ADGRG6: variants seen among roughly 807,000 people sequenced by gnomAD.
The protein encoded by ADGRG6 is adhesion G protein-coupled receptor G6, also known as G-protein coupled receptor 126.
ADGRG6 carries 84 observed loss-of-function variants against 142.4 expected under a neutral mutation model. The ratio of observed to expected loss-of-function variants is 0.59; its 90% CI spans 0.49 to 0.71. ADGRG6 has a LOEUF of 0.71. Ranked by LOEUF, ADGRG6 falls within the 30% of genes least tolerant of loss-of-function variation. The probability of loss-of-function intolerance (pLI) is 0.00; values close to 1 mark genes in which losing one functional copy is unlikely to be tolerated. For synonymous variants in ADGRG6, 521 were observed against 520.5 expected (o/e 1.00, Z -0.01); for missense variants, 1,367 against 1,466.6 (o/e 0.93, Z 1.11).
At chr6:142,381,413 C>T (rs1781765279) in intron 4 of ADGRG6, among the ~76,000 whole-genome samples, 2 of 152,022 alleles carry the variant, frequency 1.3e-5, no homozygotes, top group African/African-American at 4.8e-5. Context: ...TCTACTTCTA[C>T]TAAAAAATTA....
At chr6:142,304,843 T>C (rs1232583907) in intron 1 of ADGRG6, among the ~76,000 whole-genome samples, 1 of 152,316 alleles carries the variant, frequency 6.6e-6, no homozygotes, top group East Asian at 1.9e-4. Context: ...TTGGATGATG[T>C]TAAGATGCAT....
At chr6:142,384,422 T>A (rs1781928224) in intron 6 of ADGRG6, among the ~76,000 whole-genome samples, 1 of 152,144 alleles carries the variant, frequency 6.6e-6, no homozygotes, top group South Asian at 2.1e-4. Flanking sequence ...TACTTCTTGC[T>A]TTTTTCTCCA....
At chr6:142,425,096 G>T (rs1441518137) in intron 22 of ADGRG6, among the ~76,000 whole-genome samples, 1 of 152,188 alleles carries the variant, frequency 6.6e-6, no homozygotes, top group Non-Finnish European at 1.5e-5. Context: ...AAAGCAGAGA[G>T]GCACAACAGA....
Position 142,408,289 on chromosome 6 carries a change from A to G in ADGRG6, c.2388+20A>G. On this transcript the variant is annotated intron_variant, in intron 16 of 24. Coordinates refer to ENST00000367609, the MANE Select transcript of ADGRG6 (RefSeq NM_198569.3). Reference sequence around the variant, plus strand: ...ACTCAGGTAAGAAAACGCTCCCAATAGCATTTGGACAGAAGTGGACTATTT... The same window carrying G: ...ACTCAGGTAAGAAAACGCTCCCAATGGCATTTGGACAGAAGTGGACTATTT... The G allele has an allele frequency of 6.5e-7, 1 of 1,537,396 alleles. No homozygotes were observed. The highest frequency in any genetic ancestry group is 8.8e-7 in the Non-Finnish European group (1 of 1,134,918).
chr6:142,302,078 C>T lies in ADGRG6; in HGVS notation c.-252C>T, dbSNP rs1739455737. ...TCTCGCCCTCACCCTGCCAACTTCC[C>T]TGCGAGGAGGGACCTGCCGCCAGCC... On this transcript the variant is annotated 5_prime_UTR_variant, in exon 1 of 25. Coordinates refer to ENST00000367609, the MANE Select transcript of ADGRG6 (RefSeq NM_198569.3). The T allele has an allele frequency of 1.9e-6, 1 of 534,776 alleles. No homozygotes were observed. Among genetic ancestry groups the T allele is most frequent in the African/African-American group, 1.9e-5 (1 of 51,570 alleles). The allele number at this position is 534,776 out of a possible 1,614,324, so 33.1% of individuals were successfully genotyped here. A position where few individuals can be genotyped will look rare whatever the true frequency, so the allele number is the denominator to read the frequency against.
intron 6 of ADGRG6, among the ~76,000 whole-genome samples, chr6:142,387,880 C>A (rs1782108764): frequency 6.6e-6 from 1 of 151,978 alleles, no homozygotes; most frequent in Admixed American, 6.6e-5. Context: ...ATCATTTTTC[C>A]CCAATTAATG....
chr6:142,427,252 T>C (rs931374823), intron 22 of ADGRG6, among the ~76,000 whole-genome samples: 2 of 152,164 alleles, frequency 1.3e-5, no homozygotes, highest in African/African-American at 4.8e-5. Flanking sequence ...ATCTGTTGAA[T>C]GTTTTGTTGC....
intron 22 of ADGRG6, among the ~76,000 whole-genome samples, chr6:142,434,747 T>G (rs1777394371): frequency 6.6e-6 from 1 of 152,082 alleles, no homozygotes; most frequent in African/African-American, 2.4e-5. Flanking sequence ...AAATAGGAAT[T>G]TATAGACAGC....
chr6:142,438,190 G>T, intron 23 of ADGRG6, 22 bp from the exon 24 acceptor site: 1 of 1,532,002 alleles, frequency 6.5e-7, no homozygotes, highest in Non-Finnish European at 8.9e-7. Flanking sequence ...GATTGATAGG[G>T]TGATGTCATT....
intron 2 of ADGRG6, among the ~76,000 whole-genome samples, chr6:142,336,726 T>C (rs1779334958): frequency 6.6e-6 from 1 of 152,242 alleles, no homozygotes; most frequent in Admixed American, 6.5e-5. Flanking sequence ...ATTTATTACC[T>C]TCTTTTATGA....
At chr6:142,346,119 T>G (rs1779888390) in intron 2 of ADGRG6, among the ~76,000 whole-genome samples, 1 of 152,094 alleles carries the variant, frequency 6.6e-6, no homozygotes. Flanking sequence ...CTGAGACACC[T>G]TACTAAAGGT....
chr6:142,326,001 G>A (rs997174730), intron 2 of ADGRG6, among the ~76,000 whole-genome samples: 1 of 151,892 alleles, frequency 6.6e-6, no homozygotes, highest in Non-Finnish European at 1.5e-5. Context: ...ATAATTTTAT[G>A]AATTATGGCA....
chr6:142,393,928 A>G lies in ADGRG6; in HGVS notation c.1394A>G (p.Lys465Arg), dbSNP rs1441507094. 2.6e-6 allele frequency: 4 copies of G among 1,562,738 alleles called. No individual in the cohort carries two copies. The highest frequency in any genetic ancestry group is 3.5e-6 in the Non-Finnish European group (4 of 1,150,864). ...CTGAGTGCTGGAGAGGACAAGATTA[A>G]AGTCAAGAGAAGCCTTGAGGATGAG... ...FHLSAGEDKIKVKRSLEDEPR... is the reference protein window; with the variant it reads ...FHLSAGEDKIRVKRSLEDEPR... Residue 465 changes from lysine to arginine, a missense_variant, in exon 9 of 25, where the codon AAA becomes AGA. By Grantham distance (26) the Lys-to-Arg change is conservative. Around this residue, in one of 3 missense-constraint regions of ADGRG6, gnomAD observed 737 missense variants for 746.5 expected, o/e 0.99. Coordinates refer to ENST00000367609, the MANE Select transcript of ADGRG6 (RefSeq NM_198569.3).
intron 15 of ADGRG6, among the ~76,000 whole-genome samples, chr6:142,407,888 A>G (rs778232215): frequency 5.9e-5 from 9 of 152,194 alleles, no homozygotes; most frequent in African/African-American, 1.2e-4. Context: ...ACTGGCTGAC[A>G]TCAGTCACCA....
chr6:142,417,954 A>T (rs1472930318), intron 21 of ADGRG6, among the ~76,000 whole-genome samples: 1 of 152,134 alleles, frequency 6.6e-6, no homozygotes, highest in Admixed American at 6.6e-5. Flanking sequence ...CTATTTCTGA[A>T]ATGGGACCCA....
intron 16 of ADGRG6, among the ~76,000 whole-genome samples, chr6:142,408,834 C>T (rs566680837): frequency 6.6e-6 from 1 of 152,044 alleles, no homozygotes; most frequent in Non-Finnish European, 1.5e-5. Context: ...CCAAAGGGCC[C>T]TCATCATGAT....
At chr6:142,308,208 T>C (rs537789246) in intron 1 of ADGRG6, among the ~76,000 whole-genome samples, 131 of 152,008 alleles carry the variant, frequency 8.6e-4, no homozygotes, top group Admixed American at 3.9e-3. Flanking sequence ...CATCGTCTTA[T>C]GTAATCATCT....
intron 22 of ADGRG6, among the ~76,000 whole-genome samples, chr6:142,434,020 T>C (rs1777353675): frequency 6.6e-6 from 1 of 151,730 alleles, no homozygotes; most frequent in South Asian, 2.1e-4. Context: ...CTGTACTTCA[T>C]CCAGCCTGGG....
intron 22 of ADGRG6, among the ~76,000 whole-genome samples, chr6:142,434,417 C>T (rs187766830): frequency 2.8e-4 from 42 of 151,754 alleles, no homozygotes; most frequent in African/African-American, 7.7e-4. Context: ...CTCCGCCTCC[C>T]GAGTTCAAGC....
Sources: gnomAD v4.1 joint callset for allele counts (sites outside exome capture counted in the v4.1 genomes callset) on GRCh38, gnomAD v4.1.1 for gene constraint, gnomAD v4.1.1 regional missense constraint, MANE v1.5 for transcripts, NCBI Gene and HGNC (gene_info 2026-07-23, HGNC 2026-07-21) for gene names.